ZNF804B: variants seen among roughly 807,000 people sequenced by gnomAD.
The protein encoded by ZNF804B is zinc finger protein 804B.
Under a neutral mutation model 101.4 loss-of-function variants are expected in ZNF804B, and 80 were observed. That is an observed-to-expected ratio of 0.79 (90% CI 0.66 to 0.95). ZNF804B has a LOEUF of 0.95. Ranked by LOEUF, ZNF804B falls within the 40% of genes least tolerant of loss-of-function variation. The pLI is 0.00. For synonymous variants in ZNF804B, 622 were observed against 558.8 expected, an observed-to-expected ratio of 1.11 and a Z score of -1.59; for missense variants, 1,673 against 1,561.9, an observed-to-expected ratio of 1.07 and a Z score of -1.20.
At chr7:88,829,337 A>G (rs751679662) in intron 1 of ZNF804B, among the ~76,000 whole-genome samples, 1 of 152,000 alleles carries the variant, frequency 6.6e-6, no homozygotes, top group Non-Finnish European at 1.5e-5. Flanking sequence ...AATTCTCCCA[A>G]AGCCACATAG....
intron 1 of ZNF804B, among the ~76,000 whole-genome samples, chr7:89,094,140 G>T (rs1583982509): frequency 6.6e-6 from 1 of 152,158 alleles, no homozygotes; most frequent in South Asian, 2.1e-4. Context: ...TTTATTGCAA[G>T]CTATTGAATT....
intron 1 of ZNF804B, among the ~76,000 whole-genome samples, chr7:89,103,999 T>C (rs1462016169): frequency 6.6e-6 from 1 of 152,044 alleles, no homozygotes. Context: ...ATATGGTTTT[T>C]GTTCTCAGCA....
intron 1 of ZNF804B, among the ~76,000 whole-genome samples, chr7:89,155,502 A>G (rs1487354195): frequency 6.6e-6 from 1 of 152,134 alleles, no homozygotes; most frequent in East Asian, 1.9e-4. Context: ...TTATATCCTC[A>G]GATCTGTCCT....
chr7:88,810,636 C>T (rs754889032), intron 1 of ZNF804B, among the ~76,000 whole-genome samples: 1 of 151,370 alleles, frequency 6.6e-6, no homozygotes, highest in Non-Finnish European at 1.5e-5. Context: ...GCACTCTAGC[C>T]TGGGCAGCAG....
intron 1 of ZNF804B, among the ~76,000 whole-genome samples, chr7:88,972,646 G>A (rs1379987891): frequency 1.3e-5 from 2 of 151,028 alleles, no homozygotes; most frequent in African/African-American, 4.9e-5. Flanking sequence ...GATATAAGAG[G>A]TACTTTCAGA....
intron 1 of ZNF804B, among the ~76,000 whole-genome samples, chr7:89,152,556 G>A (rs1268359883): frequency 6.6e-6 from 1 of 151,800 alleles, no homozygotes; most frequent in East Asian, 1.9e-4. Context: ...AATAATGTTT[G>A]TACATTATTA....
At chr7:88,997,669 C>G (rs945446352) in intron 1 of ZNF804B, among the ~76,000 whole-genome samples, 13 of 151,986 alleles carry the variant, frequency 8.6e-5, no homozygotes, top group Non-Finnish European at 1.6e-4. Flanking sequence ...AATCATCTAC[C>G]CAGAAAAAGT....
intron 2 of ZNF804B, among the ~76,000 whole-genome samples, chr7:89,252,568 T>C (rs1195736211): frequency 6.6e-6 from 1 of 152,098 alleles, no homozygotes; most frequent in Non-Finnish European, 1.5e-5. Context: ...TTCTACCAAA[T>C]AGACACATGC....
intron 1 of ZNF804B, among the ~76,000 whole-genome samples, chr7:88,977,804 C>A (rs1040710811): frequency 6.6e-5 from 10 of 150,940 alleles, no homozygotes; most frequent in African/African-American, 1.2e-4. Context: ...TCTTCTAGTT[C>A]TTTAAGATGC....
intron 1 of ZNF804B, among the ~76,000 whole-genome samples, chr7:89,046,524 C>T: frequency 6.6e-6 from 1 of 152,136 alleles, no homozygotes; most frequent in East Asian, 1.9e-4. Flanking sequence ...CCTCTCTTCT[C>T]TCATTGTCTG....
At chr7:88,828,892 A>C (rs1053494725) in intron 1 of ZNF804B, among the ~76,000 whole-genome samples, 4 of 152,060 alleles carry the variant, frequency 2.6e-5, no homozygotes, top group Non-Finnish European at 5.9e-5. Context: ...CCATTAGATC[A>C]CCTTACAGAT....
intron 2 of ZNF804B, among the ~76,000 whole-genome samples, chr7:89,280,950 T>G (rs1057330665): frequency 3.9e-5 from 6 of 152,200 alleles, no homozygotes; most frequent in Non-Finnish European, 8.8e-5. Context: ...GTCTGTAACA[T>G]TAAGTCTAAT....
chr7:89,239,160 T>G (rs1314940367), intron 2 of ZNF804B, among the ~76,000 whole-genome samples: 4 of 152,084 alleles, frequency 2.6e-5, no homozygotes, highest in African/African-American at 4.8e-5. Flanking sequence ...GTACAAAAAT[T>G]TAGTTGAAAC....
chr7:89,241,476 A>G (rs1180182802), intron 2 of ZNF804B, among the ~76,000 whole-genome samples: 1 of 152,134 alleles, frequency 6.6e-6, no homozygotes, highest in Non-Finnish European at 1.5e-5. Flanking sequence ...TTGAAGCTAT[A>G]GCTCTCTGAT....
chr7:89,200,620 A>C (rs999466538), intron 1 of ZNF804B, among the ~76,000 whole-genome samples: 1 of 152,026 alleles, frequency 6.6e-6, no homozygotes. Flanking sequence ...TCTACCAATA[A>C]ATTTCAAATC....
At chr7:89,180,487 G>A (rs1464453078) in intron 1 of ZNF804B, among the ~76,000 whole-genome samples, 1 of 151,984 alleles carries the variant, frequency 6.6e-6, no homozygotes, top group Non-Finnish European at 1.5e-5. Context: ...GCATATTCAA[G>A]ACCCAAGAAA....
intron 1 of ZNF804B, among the ~76,000 whole-genome samples, chr7:89,083,083 G>C (rs1789720792): frequency 6.6e-6 from 1 of 151,576 alleles, no homozygotes; most frequent in African/African-American, 2.4e-5. Flanking sequence ...TTGAAGTTTT[G>C]TAAATGCCTT....
At chr7:89,008,923 A>G (rs957240314) in intron 1 of ZNF804B, among the ~76,000 whole-genome samples, 4 of 152,204 alleles carry the variant, frequency 2.6e-5, no homozygotes, top group African/African-American at 9.6e-5. Flanking sequence ...GAACATGTTC[A>G]GGTTTCTCTC....
intron 2 of ZNF804B, among the ~76,000 whole-genome samples, chr7:89,277,259 C>CT (rs1789995839): frequency 6.7e-6 from 1 of 150,024 alleles, no homozygotes; most frequent in Non-Finnish European, 1.5e-5. Flanking sequence ...GTATATTTAG[C>CT]TTATTAGTCA....
Sources: allele counts gnomAD v4.1 joint callset (sites outside exome capture counted in the v4.1 genomes callset), GRCh38; gene constraint gnomAD v4.1.1; transcripts MANE v1.5; gene names NCBI Gene and HGNC (gene_info 2026-07-23, HGNC 2026-07-21).